Variants in TRMT6 observed in about 807,000 individuals in gnomAD.
TRMT6 encodes tRNA (adenine(58)-N(1))-methyltransferase non-catalytic subunit TRM6.
In TRMT6, 34 loss-of-function variants were observed where a neutral mutation model predicts 59.0. The observed-to-expected ratio is 0.58, with a 90% CI of 0.44 to 0.77. The LOEUF (loss-of-function observed/expected upper bound fraction) is 0.77. Among genes scored for constraint, TRMT6 ranks in the 30% least tolerant of loss-of-function variants. The pLI is 0.00. For missense variants in TRMT6, 575 were observed against 604.5 expected, an observed-to-expected ratio of 0.95 and a Z score of 0.51; for synonymous variants, 217 against 210.5, an observed-to-expected ratio of 1.03 and a Z score of -0.27.
intron 1 of TRMT6, among the ~76,000 whole-genome samples, chr20:5,949,505 A>G (rs555490181): frequency 6.6e-6 from 1 of 152,338 alleles, no homozygotes; most frequent in South Asian, 2.1e-4. Context: ...TTACTTCTAT[A>G]AAACAGAGCG....
At chr20:5,944,702 G>A (rs902171715) in intron 3 of TRMT6, 103 bp downstream of exon 3, 13 of 741,070 alleles carry the variant, frequency 1.8e-5, no homozygotes, top group South Asian at 1.2e-4. Flanking sequence ...AAGCTATAAC[G>A]TTATTTTTTT....
chr20:5,941,655 T>C, intron 8 of TRMT6: 1 of 549,950 alleles, frequency 1.8e-6, no homozygotes, highest in South Asian at 2.4e-5. Flanking sequence ...TGGATATCTG[T>C]TATAGCCTGT....
At chr20:5,944,984 A>G in intron 2 of TRMT6, 70 bp from the exon 3 acceptor site, 1 of 1,248,578 alleles carries the variant, frequency 8.0e-7, no homozygotes, top group Admixed American at 1.8e-5. Context: ...TTCTGAGTTC[A>G]TATCCACATC....
Position 5,938,630 on chromosome 20 carries a change from C to G in TRMT6, c.1399G>C (p.Asp467His), listed in dbSNP as rs1216821590. The G allele has an allele frequency of 6.2e-7, 1 of 1,614,240 alleles. No homozygotes were observed. Among genetic ancestry groups the G allele is most frequent in the South Asian group, 1.1e-5 (1 of 91,090 alleles). Residue 467 changes from aspartate (D) to histidine (H), a missense_variant, in exon 11 of 11, where the codon GAC becomes CAC. Transcript: ENST00000203001. The stretch of plus-strand genomic sequence containing the variant: ...CTTGCATTAGATTTGAGGCTGGTGT[C>G]TGCTTTAAGGTTGTCCATGGCAACG... Reference protein sequence around the residue: ...FTVAMDNLKADTSLKSNASTL... With the variant: ...FTVAMDNLKAHTSLKSNASTL...
chr20:5,945,221 A>G (rs2088695884), intron 2 of TRMT6, among the ~76,000 whole-genome samples: 1 of 152,256 alleles, frequency 6.6e-6, no homozygotes, highest in Non-Finnish European at 1.5e-5. Context: ...AATACACTCC[A>G]AAGATGACCT....
intron 3 of TRMT6, 92 bp downstream of exon 3, chr20:5,944,713 G>GT: frequency 1.2e-6 from 1 of 849,106 alleles, no homozygotes; most frequent in Non-Finnish European, 1.9e-6. Context: ...TTATTTTTTT[G>GT]TTTTACCTTA....
At position 5,944,840 on chromosome 20, in the gene TRMT6, T is replaced by C; in HGVS notation, c.331A>G (p.Ile111Val). 6.2e-7 allele frequency: 1 copy of C among 1,614,036 alleles called. No individual in the cohort carries two copies. Among genetic ancestry groups the C allele is most frequent in the Non-Finnish European group, 8.5e-7 (1 of 1,179,890 alleles). ...GKSQKLTQDD[I>V]KALKDKGIKG... The stretch of plus-strand genomic sequence containing the variant: ...ATGCCCTTGTCCTTCAAAGCTTTTA[T>C]GTCATCTTGAGTAAGTTTCTGAGAT... Residue 111 changes from isoleucine (I) to valine (V), a missense_variant, in exon 3 of 11, where the codon ATA becomes GTA. Transcript: ENST00000203001.
Position 5,950,433 on chromosome 20 carries a change from G to C in TRMT6, c.-28C>G. 6.6e-7 allele frequency: 1 copy of C among 1,525,110 alleles called. No individual in the cohort carries two copies. Among genetic ancestry groups the C allele is most frequent in the Non-Finnish European group, 8.8e-7 (1 of 1,140,992 alleles). The allele number at this position is 1,525,110 out of a possible 1,614,324, so 94.5% of individuals were successfully genotyped here. A position where few individuals can be genotyped will look rare whatever the true frequency, so the allele number is the denominator to read the frequency against. On this transcript the variant is annotated 5_prime_UTR_variant, in exon 1 of 11. Coordinates refer to ENST00000203001, the MANE Select transcript of TRMT6 (RefSeq NM_015939.5). The stretch of plus-strand genomic sequence containing the variant: ...CGCTCAGCCGGTCGCCGTGCTCCAC[G>C]GCGTCCCGCCCCTCCTCCTCGGTTG...
rs369144834 is a variant in TRMT6 at position 5,938,487 on chromosome 20, T to C, written c.*48A>G. On this transcript the variant is annotated 3_prime_UTR_variant, in exon 11 of 11. Coordinates refer to ENST00000203001, the MANE Select transcript of TRMT6 (RefSeq NM_015939.5). ...GTAATGGCATTTAAAGTTTAATTAC[T>C]AACTGTATAATGCCTGAGAACAAAA... The C allele has an allele frequency of 3.9e-6, 6 of 1,548,468 alleles. No individual in the cohort carries two copies. The African/African-American group carries it at 8.3e-5, about 21-fold the overall frequency.
In TRMT6 at chr20:5,950,219, G is replaced by C. The variant is rs947735710; in HGVS notation, c.128+59C>G. ...GAAGAATTCTGTGGAGAAACCTGGAGGGAGGGGGTATCTACAAGGTGGGGG... is the reference window on the plus strand; with the variant it reads ...GAAGAATTCTGTGGAGAAACCTGGACGGAGGGGGTATCTACAAGGTGGGGG... On this transcript the variant is annotated intron_variant, in intron 1 of 10. Transcript: ENST00000203001. 2.0e-6 allele frequency: 3 copies of C among 1,490,600 alleles called. No individual in the cohort carries two copies. The African/African-American group carries it at 4.2e-5, about 21-fold the overall frequency. 92.3% of individuals were successfully genotyped at this position (1,490,600 alleles called of 1,614,324 possible).
intron 1 of TRMT6, 103 bp from the exon 2 acceptor site, chr20:5,946,636 A>T: frequency 9.9e-7 from 1 of 1,013,758 alleles, no homozygotes; most frequent in Non-Finnish European, 1.5e-6. Flanking sequence ...ACAATGGATG[A>T]TCAGCAGCAT....
rs1312710155 is a variant in TRMT6, at chr20:5,950,271, G to A, written c.128+7C>T. The A allele has an allele frequency of 1.9e-6, 3 of 1,602,164 alleles. No individual in the cohort carries two copies. The South Asian group carries it at 3.3e-5, about 18-fold the overall frequency. On this transcript the variant is annotated splice_region_variant and intron_variant, in intron 1 of 10. Coordinates refer to ENST00000203001, the MANE Select transcript of TRMT6 (RefSeq NM_015939.5). ...GGGAGACCCCTAAAATCAGCGATCT[G>A]ACTTACTTTCTCCGCTGGACTTGTA...
chr20:5,948,563 T>A (rs2088728455), intron 1 of TRMT6, among the ~76,000 whole-genome samples: 2 of 152,036 alleles, frequency 1.3e-5, no homozygotes, highest in Non-Finnish European at 2.9e-5. Context: ...AAGGGGAAGG[T>A]CAACTACTGT....
intron 6 of TRMT6, 141 bp from the exon 7 acceptor site, chr20:5,942,927 C>T: frequency 1.5e-6 from 1 of 687,578 alleles, no homozygotes; most frequent in Non-Finnish European, 2.5e-6. Context: ...TGCAGCTCCT[C>T]AGGGAGTCTG....
intron 1 of TRMT6, 57 bp from the exon 2 acceptor site, chr20:5,946,590 AC>A: frequency 1.3e-6 from 2 of 1,544,618 alleles, no homozygotes; most frequent in Non-Finnish European, 1.8e-6. Flanking sequence ...TACAGAAAAG[AC>A]ATGTTCACTA....
chr20:5,938,948 T>C (rs992383144), intron 10 of TRMT6, among the ~76,000 whole-genome samples: 2 of 150,310 alleles, frequency 1.3e-5, no homozygotes, highest in African/African-American at 2.4e-5. Flanking sequence ...CTCTCTCTCT[T>C]TCTTTTTAAG....
chr20:5,944,945 A>G (rs373991563), intron 2 of TRMT6, 31 bp from the exon 3 acceptor site: 88 of 1,523,410 alleles, frequency 5.8e-5, no homozygotes, highest in Non-Finnish European at 7.8e-5. Context: ...ATTGACATTT[A>G]TGGTCTGAAA....
chr20:5,941,778 A>G, intron 8 of TRMT6, 173 bp downstream of exon 8: 3 of 646,110 alleles, frequency 4.6e-6, no homozygotes, highest in Non-Finnish European at 8.2e-6. Flanking sequence ...CAGCATCATC[A>G]ATTCCCCACC....
intron 1 of TRMT6, among the ~76,000 whole-genome samples, chr20:5,947,420 A>G (rs1320249160): frequency 6.6e-6 from 1 of 152,134 alleles, no homozygotes; most frequent in Non-Finnish European, 1.5e-5. Context: ...GCTGATTACG[A>G]CAGAATATAC....
Sources: allele counts gnomAD v4.1 joint callset (sites outside exome capture counted in the v4.1 genomes callset), GRCh38; gene constraint gnomAD v4.1.1; transcripts MANE v1.5; gene names NCBI Gene and HGNC (gene_info 2026-07-23, HGNC 2026-07-21).